Variants in RPGRIP1L observed in about 807,000 individuals in gnomAD.
RPGRIP1L encodes RPGRIP1 like.
Under a neutral mutation model 160.4 loss-of-function variants are expected in RPGRIP1L, and 131 were observed. The ratio of observed to expected loss-of-function variants is 0.82; its 90% CI spans 0.71 to 0.94. RPGRIP1L has a LOEUF of 0.94. Ranked by LOEUF, RPGRIP1L falls within the 40% of genes least tolerant of loss-of-function variation. The pLI is 0.00. For missense variants in RPGRIP1L, 1,522 were observed against 1,535.8 expected (o/e 0.99, Z 0.15); for synonymous variants, 510 against 515.8 (o/e 0.99, Z 0.15).
At chr16:53,686,721 TAGC>T in intron 5 of RPGRIP1L, 145 bp from the exon 6 acceptor site, 1 of 711,234 alleles carries the variant, frequency 1.4e-6, no homozygotes. Context: ...AGTGAAATAG[TAGC>T]AGATTAAATG....
intron 3 of RPGRIP1L, among the ~76,000 whole-genome samples, chr16:53,692,774 T>C (rs907035436): frequency 6.6e-6 from 1 of 152,228 alleles, no homozygotes; most frequent in Non-Finnish European, 1.5e-5. Context: ...GTTAAGACTG[T>C]GCAGCATTTA....
intron 6 of RPGRIP1L, among the ~76,000 whole-genome samples, chr16:53,679,794 C>G (rs994683092): frequency 6.6e-6 from 1 of 152,122 alleles, no homozygotes; most frequent in African/African-American, 2.4e-5. Context: ...TAGGCCAAAT[C>G]TTTCTGAACA....
intron 4 of RPGRIP1L, among the ~76,000 whole-genome samples, chr16:53,688,808 C>A (rs1255297593): frequency 6.6e-6 from 1 of 151,900 alleles, no homozygotes. Flanking sequence ...TTAACTAGAA[C>A]AATGGAACTA....
At chr16:53,683,342 G>A (rs1438092711) in intron 6 of RPGRIP1L, among the ~76,000 whole-genome samples, 1 of 152,020 alleles carries the variant, frequency 6.6e-6, no homozygotes, top group Non-Finnish European at 1.5e-5. Context: ...ATAACCAAAT[G>A]CTATGTGTAG....
chr16:53,680,201 A>G (rs1969501040), intron 6 of RPGRIP1L, among the ~76,000 whole-genome samples: 1 of 152,200 alleles, frequency 6.6e-6, no homozygotes, highest in Non-Finnish European at 1.5e-5. Context: ...GATAAAAGAA[A>G]TGGTATTTCA....
At chr16:53,646,314 T>C (rs1404362627) in intron 16 of RPGRIP1L, among the ~76,000 whole-genome samples, 1 of 152,114 alleles carries the variant, frequency 6.6e-6, no homozygotes, top group Admixed American at 6.5e-5. Flanking sequence ...AACTAAAGAC[T>C]ATAGTGAGCA....
chr16:53,655,814 TA>T (rs1039316114), intron 14 of RPGRIP1L, among the ~76,000 whole-genome samples: 9 of 152,168 alleles, frequency 5.9e-5, no homozygotes, highest in Non-Finnish European at 2.9e-5. Context: ...AAAATCACTG[TA>T]AGGACATTTC....
At chr16:53,605,654 G>A in intron 25 of RPGRIP1L, 40 bp from the exon 26 acceptor site, 1 of 1,611,068 alleles carries the variant, frequency 6.2e-7, no homozygotes, top group Non-Finnish European at 8.5e-7. Context: ...CACCAAGTGA[G>A]AAGAAATCAC....
At chr16:53,609,437 G>C (rs1166321210) in intron 25 of RPGRIP1L, among the ~76,000 whole-genome samples, 2 of 152,110 alleles carry the variant, frequency 1.3e-5, no homozygotes, top group African/African-American at 4.8e-5. Flanking sequence ...AAATAAGTGG[G>C]TCCTCTGAGG....
intron 26 of RPGRIP1L, among the ~76,000 whole-genome samples, chr16:53,602,781 A>G (rs574048745): frequency 5.9e-4 from 90 of 151,890 alleles, no homozygotes; most frequent in Non-Finnish European, 1.0e-3. Context: ...CAAAGAAAAA[A>G]AAAAAAAAGA....
At chr16:53,648,622 G>GCA (rs1372621947) in intron 16 of RPGRIP1L, among the ~76,000 whole-genome samples, 10,032 of 101,958 alleles carry the variant, frequency 0.098, 465 homozygotes, top group Admixed American at 0.22. Flanking sequence ...GTGCGCGCGC[G>GCA]CGCGCACACA....
chr16:53,608,084 C>A (rs1963798302), intron 25 of RPGRIP1L: 1 of 350,910 alleles, frequency 2.8e-6, no homozygotes. Flanking sequence ...CCTCTTCCCA[C>A]CTCTTTCTCC....
At chr16:53,643,306 T>TAA (rs77427391) in intron 17 of RPGRIP1L, among the ~76,000 whole-genome samples, 37 of 111,408 alleles carry the variant, frequency 3.3e-4, no homozygotes, top group African/African-American at 8.4e-4. Flanking sequence ...AGACTCCATC[T>TAA]AAAAAAAAAA....
Position 53,672,908 on chromosome 16 carries a change from A to G in RPGRIP1L, c.991T>C (p.Leu331=), listed in dbSNP as rs746770989. The G allele has an allele frequency of 1.2e-6, 2 of 1,613,164 alleles. No individual in the cohort carries two copies. Among genetic ancestry groups the G allele is most frequent in the Non-Finnish European group, 1.7e-6 (2 of 1,179,522 alleles). Residue 331 remains leucine (L), a synonymous_variant, in exon 8 of 27, where the codon TTA becomes CTA. Transcript: ENST00000647211. ...CTTTCAGAAAACTTCATAGAATGTA[A>G]TTGTTTCTCAAGACTGCAGCATTTT... ...RLKCCSLEKQ[L]HSMKFSERRI... is the part of the protein sequence containing the mutation.
At chr16:53,639,553 C>T (rs1416996939) in intron 19 of RPGRIP1L, among the ~76,000 whole-genome samples, 2 of 152,102 alleles carry the variant, frequency 1.3e-5, no homozygotes, top group Non-Finnish European at 2.9e-5. Flanking sequence ...GGTATCATGA[C>T]TAACATTGCA....
At chr16:53,642,337 G>A (rs1966276824) in intron 17 of RPGRIP1L, among the ~76,000 whole-genome samples, 1 of 151,842 alleles carries the variant, frequency 6.6e-6, no homozygotes, top group Non-Finnish European at 1.5e-5. Flanking sequence ...GGGACTACAG[G>A]CACCGGCTCA....
At chr16:53,658,246 T>C (rs1384187419) in intron 12 of RPGRIP1L, among the ~76,000 whole-genome samples, 168 bp downstream of exon 12, 1 of 152,158 alleles carries the variant, frequency 6.6e-6, no homozygotes, top group African/African-American at 2.4e-5. Context: ...CTTTCCTGAG[T>C]CTTAGTAGTG....
chr16:53,660,748 C>T (rs1431857366), intron 10 of RPGRIP1L, among the ~76,000 whole-genome samples: 1 of 151,498 alleles, frequency 6.6e-6, no homozygotes, highest in East Asian at 2.0e-4. Flanking sequence ...CAAAAATTAG[C>T]TGGGCATGGT....
intron 22 of RPGRIP1L, among the ~76,000 whole-genome samples, chr16:53,625,188 C>T (rs923084320): frequency 2.0e-5 from 3 of 152,202 alleles, no homozygotes; most frequent in Non-Finnish European, 4.4e-5. Flanking sequence ...GCCGCCACCC[C>T]GTCTAGGAAG....
Sources: allele counts gnomAD v4.1 joint callset (sites outside exome capture counted in the v4.1 genomes callset), GRCh38; gene constraint gnomAD v4.1.1; transcripts MANE v1.5; gene names NCBI Gene and HGNC (gene_info 2026-07-23, HGNC 2026-07-21).